Variants in PPFIA2 observed in about 807,000 individuals in gnomAD.
The protein encoded by PPFIA2 is PPFI scaffold protein A2, also known as liprin-alpha-2.
Under a neutral mutation model 175.5 loss-of-function variants are expected in PPFIA2, and 46 were observed. That is an observed-to-expected ratio of 0.26 (90% confidence interval 0.21 to 0.34). The LOEUF (loss-of-function observed/expected upper bound fraction) is 0.34, where lower values mean the gene tolerates loss of function less well. PPFIA2 is among the 10% of genes least tolerant of loss of function. The pLI is 1.00. For missense variants in PPFIA2, 1,179 were observed against 1,506.1 expected (o/e 0.78, Z 3.60); for synonymous variants, 568 against 511.4 (o/e 1.11, Z -1.49).
At chr12:81,426,962 T>G (rs919317617) in intron 7 of PPFIA2, among the ~76,000 whole-genome samples, 14 of 152,176 alleles carry the variant, frequency 9.2e-5, no homozygotes, top group African/African-American at 3.4e-4. Flanking sequence ...GATGCTTTAA[T>G]TAATCTTTTA....
At chr12:81,679,697 T>C (rs2073242604) in intron 3 of PPFIA2, among the ~76,000 whole-genome samples, 1 of 151,952 alleles carries the variant, frequency 6.6e-6, no homozygotes. Flanking sequence ...GTAAATTGAA[T>C]GTAAATCATT....
intron 4 of PPFIA2, among the ~76,000 whole-genome samples, chr12:81,671,309 A>C (rs984561575): frequency 6.6e-6 from 1 of 151,928 alleles, no homozygotes; most frequent in Non-Finnish European, 1.5e-5. Flanking sequence ...TCAGTATCTC[A>C]TGAGTCAATC....
At chr12:81,688,666 T>C (rs1260285389) in intron 3 of PPFIA2, among the ~76,000 whole-genome samples, 2 of 151,138 alleles carry the variant, frequency 1.3e-5, no homozygotes, top group Non-Finnish European at 3.0e-5. Context: ...AATAAAATAC[T>C]GTCTTTTCCA....
Position 81,356,618 on chromosome 12 carries a change from G to C in PPFIA2, c.1773+1464C>G, listed in dbSNP as rs146085614. On this transcript the variant is annotated intron_variant, in intron 16 of 32. Transcript: ENST00000549396. Reference sequence around the variant, plus strand: ...TTCAAGGCTGCAATGAGCCATGATCGTGCCACTGCACTCCAGCCTGGGTGA... The same window carrying C: ...TTCAAGGCTGCAATGAGCCATGATCCTGCCACTGCACTCCAGCCTGGGTGA... Among the ~76,000 whole-genome samples, 228 of 152,092 alleles carry C rather than the reference G, an allele frequency of 1.5e-3. 3 individuals carry two copies. In the East Asian group the frequency reaches 0.028, roughly 19 times the overall value.
At chr12:81,502,982 AAG>A (rs1460158227) in intron 4 of PPFIA2, among the ~76,000 whole-genome samples, 4 of 152,142 alleles carry the variant, frequency 2.6e-5, no homozygotes, top group Non-Finnish European at 5.9e-5. Flanking sequence ...TGGAAATTTT[AAG>A]AGAGACAGAG....
chr12:81,422,594 C>A (rs566431308), intron 7 of PPFIA2, among the ~76,000 whole-genome samples: 32 of 152,218 alleles, frequency 2.1e-4, no homozygotes, highest in African/African-American at 7.5e-4. Flanking sequence ...TCACTTCTTA[C>A]ATGGACGGCA....
At chr12:81,343,235 CT>C (rs2058462397) in intron 19 of PPFIA2, among the ~76,000 whole-genome samples, 1 of 151,980 alleles carries the variant, frequency 6.6e-6, no homozygotes, top group Admixed American at 6.6e-5. Flanking sequence ...CTTTCCATGA[CT>C]TTTCTCACAA....
chr12:81,273,592 T>C (rs1347626049), intron 28 of PPFIA2, among the ~76,000 whole-genome samples: 1 of 152,208 alleles, frequency 6.6e-6, no homozygotes, highest in African/African-American at 2.4e-5. Flanking sequence ...GTTGGTGTCC[T>C]TTCTGTCTGT....
chr12:81,534,477 G>A (rs1312210258), intron 4 of PPFIA2, among the ~76,000 whole-genome samples: 2 of 151,398 alleles, frequency 1.3e-5, no homozygotes, highest in Non-Finnish European at 1.5e-5. Context: ...TTATGTATCA[G>A]GAAAAAATAT....
intron 4 of PPFIA2, among the ~76,000 whole-genome samples, chr12:81,508,586 C>CTTTCTT (rs2061442591): frequency 7.4e-6 from 1 of 134,358 alleles, no homozygotes; most frequent in Non-Finnish European, 1.6e-5. Flanking sequence ...CAAGAGTTTA[C>CTTTCTT]TTTCTTTTTT....
intron 7 of PPFIA2, among the ~76,000 whole-genome samples, chr12:81,438,612 A>G (rs1468226321): frequency 6.6e-6 from 1 of 152,240 alleles, no homozygotes; most frequent in African/African-American, 2.4e-5. Flanking sequence ...AAATCCCTTT[A>G]TAAGACTTAT....
At chr12:81,295,058 C>T (rs2046123237) in intron 23 of PPFIA2, 23 bp from the exon 24 acceptor site, 4 of 1,596,688 alleles carry the variant, frequency 2.5e-6, no homozygotes, top group Non-Finnish European at 3.4e-6. Flanking sequence ...AAAAAATACA[C>T]TAACAAATTA....
chr12:81,465,809 G>A (rs2055509265), intron 4 of PPFIA2, among the ~76,000 whole-genome samples: 1 of 152,088 alleles, frequency 6.6e-6, no homozygotes, highest in African/African-American at 2.4e-5. Context: ...TCTACACTTA[G>A]TATATTTGCT....
chr12:81,557,455 C>T (rs1359033382), intron 4 of PPFIA2, among the ~76,000 whole-genome samples: 2 of 152,006 alleles, frequency 1.3e-5, no homozygotes, highest in Admixed American at 6.6e-5. Flanking sequence ...CAATTTCAAA[C>T]TTACTTTGGT....
chr12:81,275,862 G>A (rs1193350482), intron 28 of PPFIA2, among the ~76,000 whole-genome samples: 1 of 150,276 alleles, frequency 6.7e-6, no homozygotes, highest in African/African-American at 2.4e-5. Flanking sequence ...TCGGCTCACT[G>A]CAAGCTCTGC....
At chr12:81,294,704 A>G (rs1296116260) in intron 24 of PPFIA2, 131 bp downstream of exon 24, 10 of 844,794 alleles carry the variant, frequency 1.2e-5, no homozygotes, top group Admixed American at 2.3e-5. Context: ...GTTAATAAAG[A>G]GCAAGCTTAA....
intron 3 of PPFIA2, among the ~76,000 whole-genome samples, chr12:81,737,139 A>G (rs998077705): frequency 1.3e-5 from 2 of 151,894 alleles, no homozygotes; most frequent in Non-Finnish European, 2.9e-5. Context: ...AACAGTGAAG[A>G]TTTTAGAGTT....
At chr12:81,540,387 A>C (rs1479182722) in intron 4 of PPFIA2, among the ~76,000 whole-genome samples, 1 of 152,036 alleles carries the variant, frequency 6.6e-6, no homozygotes, top group Admixed American at 6.6e-5. Flanking sequence ...CTGCATGTTT[A>C]ACGATACAAA....
At chr12:81,265,274 C>G (rs965464222) in intron 30 of PPFIA2, among the ~76,000 whole-genome samples, 46 of 70,814 alleles carry the variant, frequency 6.5e-4, no homozygotes, top group African/African-American at 2.6e-3. Flanking sequence ...GCCTGGGCAA[C>G]AAGAGCGAAA....
Sources: allele counts gnomAD v4.1 joint callset (sites outside exome capture counted in the v4.1 genomes callset), GRCh38; gene constraint gnomAD v4.1.1; transcripts MANE v1.5; gene names NCBI Gene and HGNC (gene_info 2026-07-23, HGNC 2026-07-21).